The following FGF12 variants were observed in gnomAD, a reference collection of about 807,000 sequenced individuals.
FGF12 encodes the protein fibroblast growth factor 12B.
In FGF12, 14 loss-of-function variants were observed where a neutral mutation model predicts 23.6. The observed-to-expected ratio is 0.59, with a 90% confidence interval of 0.39 to 0.93. FGF12 has a LOEUF of 0.93. FGF12 is among the 40% of genes least tolerant of loss of function. The pLI is 0.00. For missense variants in FGF12, 175 were observed against 217.8 expected, an observed-to-expected ratio of 0.80 and a Z score of 1.24; for synonymous variants, 62 against 77.3, an observed-to-expected ratio of 0.80 and a Z score of 1.04.
At chr3:192,633,604 C>T (rs1715475620) in intron 2 of FGF12, among the ~76,000 whole-genome samples, 1 of 152,142 alleles carries the variant, frequency 6.6e-6, no homozygotes, top group African/African-American at 2.4e-5. Flanking sequence ...TAACATTATG[C>T]TGCCCAAGTC....
At chr3:192,378,184 C>G (rs1360566667) in intron 2 of FGF12, among the ~76,000 whole-genome samples, 1 of 149,026 alleles carries the variant, frequency 6.7e-6, no homozygotes, top group African/African-American at 2.6e-5. Context: ...GATCACAGCT[C>G]ACTGCAGCTT....
intron 2 of FGF12, among the ~76,000 whole-genome samples, chr3:192,561,650 C>T (rs1168294944): frequency 1.3e-5 from 2 of 152,190 alleles, no homozygotes; most frequent in South Asian, 2.1e-4. Flanking sequence ...GCGTGAGCCA[C>T]CGTGCCTGGA....
chr3:192,711,180 A>G (rs1718654520), intron 2 of FGF12, among the ~76,000 whole-genome samples: 1 of 152,274 alleles, frequency 6.6e-6, no homozygotes, highest in Non-Finnish European at 1.5e-5. Flanking sequence ...TACTGGAAAC[A>G]GAGGTTATAG....
At chr3:192,551,344 A>G (rs1711524141) in intron 2 of FGF12, among the ~76,000 whole-genome samples, 1 of 152,194 alleles carries the variant, frequency 6.6e-6, no homozygotes, top group Non-Finnish European at 1.5e-5. Flanking sequence ...CTGAGGAGAG[A>G]AAGCTTCGCA....
chr3:192,148,085 T>G (rs1214935767), intron 5 of FGF12, among the ~76,000 whole-genome samples: 1 of 152,302 alleles, frequency 6.6e-6, no homozygotes, highest in East Asian at 1.9e-4. Flanking sequence ...GGATGTACCA[T>G]ATGATCCAGC....
intron 5 of FGF12, among the ~76,000 whole-genome samples, chr3:192,158,854 C>T (rs558532959): frequency 7.2e-5 from 11 of 151,934 alleles, no homozygotes; most frequent in Non-Finnish European, 8.8e-5. Flanking sequence ...TCTGCCCCCA[C>T]GTGTTCTGAC....
intron 4 of FGF12, among the ~76,000 whole-genome samples, chr3:192,198,397 G>C (rs1214783168): frequency 6.6e-6 from 1 of 151,388 alleles, no homozygotes; most frequent in African/African-American, 2.4e-5. Flanking sequence ...CTGTACATTA[G>C]ATTGAGCATA....
chr3:192,354,267 C>G (rs1437317347), intron 3 of FGF12, among the ~76,000 whole-genome samples: 3 of 152,038 alleles, frequency 2.0e-5, no homozygotes, highest in Non-Finnish European at 4.4e-5. Flanking sequence ...GAAGTCTAGA[C>G]TGAGAGAATC....
intron 2 of FGF12, among the ~76,000 whole-genome samples, chr3:192,633,265 T>C (rs2701587): frequency 1 from 152,163 of 152,164 alleles, 76,081 homozygotes; most frequent in Non-Finnish European, 1. Context: ...AGGCTGGTTT[T>C]GAATTCCTGA....
chr3:192,189,096 T>C (rs889420883), intron 4 of FGF12, among the ~76,000 whole-genome samples: 1 of 152,184 alleles, frequency 6.6e-6, no homozygotes, highest in Non-Finnish European at 1.5e-5. Context: ...AAGAACTACT[T>C]GACATTTCAT....
intron 2 of FGF12, among the ~76,000 whole-genome samples, chr3:192,630,023 G>A (rs2108655232): frequency 6.6e-6 from 1 of 152,272 alleles, no homozygotes; most frequent in East Asian, 1.9e-4. Context: ...GAGGTGATTG[G>A]ATCATGGGGT....
chr3:192,576,178 AATAAT>A, intron 2 of FGF12, among the ~76,000 whole-genome samples: 1 of 152,194 alleles, frequency 6.6e-6, no homozygotes, highest in African/African-American at 2.4e-5. Flanking sequence ...AACGAAGAAA[AATAAT>A]GAATGTTGCC....
chr3:192,708,394 C>T (rs1401238218), intron 2 of FGF12, among the ~76,000 whole-genome samples: 2 of 152,054 alleles, frequency 1.3e-5, no homozygotes, highest in Admixed American at 1.3e-4. Flanking sequence ...CTTTATGCCT[C>T]AGATATAATG....
At chr3:192,381,459 G>C (rs1719808393) in intron 2 of FGF12, among the ~76,000 whole-genome samples, 1 of 152,098 alleles carries the variant, frequency 6.6e-6, no homozygotes, top group Non-Finnish European at 1.5e-5. Context: ...TATGAACAAG[G>C]CGGTATGGCT....
At chr3:192,525,652 A>G (rs1184053636) in intron 2 of FGF12, among the ~76,000 whole-genome samples, 2 of 152,260 alleles carry the variant, frequency 1.3e-5, no homozygotes, top group Non-Finnish European at 1.5e-5. Context: ...GAAACTTTTC[A>G]TTGTATTGAA....
At chr3:192,722,459 A>G (rs1719068673) in intron 2 of FGF12, among the ~76,000 whole-genome samples, 1 of 152,320 alleles carries the variant, frequency 6.6e-6, no homozygotes, top group African/African-American at 2.4e-5. Flanking sequence ...GTGTTGGTTC[A>G]TGGCCCTGAC....
chr3:192,476,545 CCCT>C (rs1293554212), intron 2 of FGF12, among the ~76,000 whole-genome samples: 2 of 152,120 alleles, frequency 1.3e-5, no homozygotes. Flanking sequence ...GTAATATGCC[CCCT>C]GTTTATTTTG....
chr3:192,458,452 C>T (rs1722750967), intron 2 of FGF12, among the ~76,000 whole-genome samples: 1 of 152,212 alleles, frequency 6.6e-6, no homozygotes, highest in Admixed American at 6.5e-5. Flanking sequence ...TCAGTGTGAC[C>T]TGGATGTGAG....
chr3:192,387,657 G>T (rs1720100358), intron 2 of FGF12, among the ~76,000 whole-genome samples: 1 of 151,252 alleles, frequency 6.6e-6, no homozygotes, highest in Non-Finnish European at 1.5e-5. Flanking sequence ...GATCAGCCTG[G>T]GCAATATGGC....
Sources: gnomAD v4.1 joint callset for allele counts (sites outside exome capture counted in the v4.1 genomes callset) on GRCh38, gnomAD v4.1.1 for gene constraint, MANE v1.5 for transcripts, NCBI Gene and HGNC (gene_info 2026-07-23, HGNC 2026-07-21) for gene names.